The following NRP2 variants were observed in gnomAD, a reference collection of about 807,000 sequenced individuals.
The protein encoded by NRP2 is neuropilin-2.
A neutral mutation model predicts 110.4 loss-of-function variants in NRP2; 52 were observed. The observed-to-expected ratio is 0.47, with a 90% CI of 0.38 to 0.59. The LOEUF is 0.59. Among genes scored for constraint, NRP2 ranks in the 20% least tolerant of loss-of-function variants. The probability of loss-of-function intolerance (pLI) is 0.00; values close to 1 mark genes in which losing one functional copy is unlikely to be tolerated. For missense variants in NRP2, 1,049 were observed against 1,203.0 expected (o/e 0.87, Z 1.89); for synonymous variants, 508 against 468.9 (o/e 1.08, Z -1.08).
At chr2:205,761,979 A>G (rs929889251) in intron 12 of NRP2, 2 of 152,224 alleles carry the variant, frequency 1.3e-5, no homozygotes, top group Non-Finnish European at 2.9e-5. Context: ...TAACAGCAGT[A>G]ATAGTAAGAT....
chr2:205,791,085 T>A (rs116339604), intron 15 of NRP2, among the ~76,000 whole-genome samples: 3 of 152,360 alleles, frequency 2.0e-5, no homozygotes, highest in Admixed American at 6.5e-5. Context: ...CAGTGATGGA[T>A]CAATGCTCAG....
At chr2:205,783,888 G>C (rs1369072130) in intron 15 of NRP2, among the ~76,000 whole-genome samples, 4 of 151,844 alleles carry the variant, frequency 2.6e-5, no homozygotes, top group Admixed American at 2.6e-4. Flanking sequence ...TGCTTTCCCT[G>C]ACCTGCCAAA....
rs991060888 is a variant in NRP2 at position 205,682,654 on chromosome 2, C to T, written c.-637C>T. 5 of 166,782 alleles carry T rather than the reference C, an allele frequency of 3.0e-5. No homozygotes were observed. The highest frequency in any genetic ancestry group is 6.3e-5 in the Non-Finnish European group (5 of 78,936). The allele number at this position is 166,782 out of a possible 1,614,324, so 10.3% of individuals were successfully genotyped here. A position where few individuals can be genotyped will look rare whatever the true frequency, so the allele number is the denominator to read the frequency against. ...GATCCCAGCCGCCACCGCCGCCGCA[C>T]CAGCAGCAGCAACAGCAGCAGCAGC... On this transcript the variant is annotated 5_prime_UTR_variant, in exon 1 of 17. Transcript: ENST00000357785. This position sits in a 1 kb window ranked among gnomAD's most constrained non-coding sequence, Gnocchi z 4.3.
chr2:205,752,939 G>T lies in NRP2; in HGVS notation c.2008G>T (p.Ala670Ser). ...TGCCAAGTGGCTCCGGACCACCTGGGCCAGCAGCTCCAGCCCAAACGACCG... is the reference window on the plus strand; with the variant it reads ...TGCCAAGTGGCTCCGGACCACCTGGTCCAGCAGCTCCAGCCCAAACGACCG... ...DHAKWLRTTW[A>S]SSSSPNDRTF... The change falls in exon 12 of 17, where the codon GCC (alanine) becomes TCC (serine). Residue 670 changes from alanine (A) to serine (S), a missense_variant. Coordinates refer to ENST00000357785, the MANE Select transcript of NRP2 (RefSeq NM_003872.3). 1 of 1,614,024 alleles carries T rather than the reference G, an allele frequency of 6.2e-7. No individual in the cohort carries two copies. The highest frequency in any genetic ancestry group is 8.5e-7 in the Non-Finnish European group (1 of 1,180,032).
rs1328369109 is a variant in NRP2 at position 205,683,298 on chromosome 2, T to A, written c.8T>A (p.Met3Lys). The change falls in exon 1 of 17, where the codon ATG becomes AAG. Residue 3 changes from methionine (M) to lysine (K), a missense_variant. Transcript: ENST00000357785. ...AGAGCCACCTTCTCCAAAATGGATA[T>A]GTTTCCTCTCACCTGGGTTTTCTTA... Reference protein sequence around the residue: MDMFPLTWVFLAL... With the variant: MDKFPLTWVFLAL... 1.2e-6 allele frequency: 2 copies of A among 1,613,464 alleles called. No individual in the cohort carries two copies. The highest frequency in any genetic ancestry group is 1.7e-6 in the Non-Finnish European group (2 of 1,179,472).
chr2:205,731,626 C>G (rs560537066), intron 7 of NRP2, among the ~76,000 whole-genome samples: 1 of 152,336 alleles, frequency 6.6e-6, no homozygotes, highest in South Asian at 2.1e-4. Context: ...ACGTGGGGAT[C>G]TCCCTTGTTG....
At chr2:205,733,191 A>G (rs990282290) in intron 7 of NRP2, among the ~76,000 whole-genome samples, 4 of 152,188 alleles carry the variant, frequency 2.6e-5, no homozygotes, top group Non-Finnish European at 5.9e-5. Context: ...GGAAAATTTC[A>G]TTATACAGAA....
intron 9 of NRP2, 140 bp downstream of exon 9, chr2:205,743,692 G>A: frequency 6.9e-7 from 1 of 1,453,428 alleles, no homozygotes; most frequent in Non-Finnish European, 9.1e-7. Context: ...TATCGTTTGA[G>A]AGATTACTTT....
chr2:205,772,874 G>C (rs1173339866), intron 15 of NRP2, among the ~76,000 whole-genome samples: 1 of 152,188 alleles, frequency 6.6e-6, no homozygotes, highest in Admixed American at 6.5e-5. Context: ...TTCCCATAGA[G>C]GTGCCACATG....
chr2:205,753,102 A>T, intron 12 of NRP2, 127 bp downstream of exon 12: 1 of 1,276,184 alleles, frequency 7.8e-7, no homozygotes, highest in Admixed American at 1.7e-5. Context: ...TTTGCCCACA[A>T]ACCACCACAG....
At chr2:205,739,132 C>T (rs1383340528) in intron 7 of NRP2, among the ~76,000 whole-genome samples, 1 of 152,202 alleles carries the variant, frequency 6.6e-6, no homozygotes, top group Non-Finnish European at 1.5e-5. Context: ...GGAAACACAT[C>T]ACTGGACAGT....
At chr2:205,762,774 T>TC (rs146483108) in intron 12 of NRP2, among the ~76,000 whole-genome samples, 5 of 152,304 alleles carry the variant, frequency 3.3e-5, no homozygotes, top group Non-Finnish European at 7.4e-5. Context: ...AAGGTGCAGG[T>TC]CACACCTGTG....
Position 205,725,138 on chromosome 2 carries a change from T to C in NRP2, c.821-775T>C, listed in dbSNP as rs994821318. Among the ~76,000 whole-genome samples the C allele has an allele frequency of 6.6e-6, 1 of 152,158 alleles. No individual in the cohort carries two copies. Among genetic ancestry groups the C allele is most frequent in the Non-Finnish European group, 1.5e-5 (1 of 68,036 alleles). On this transcript the variant is annotated intron_variant, in intron 5 of 16. Coordinates refer to ENST00000357785, the MANE Select transcript of NRP2 (RefSeq NM_003872.3). This position sits in a 1 kb window ranked among gnomAD's most constrained non-coding sequence, Gnocchi z 4.1. ...TTTTCATCAAAGAGCTTCTGAAGAT[T>C]GAGTGACAAAGAAACAGTATGGCAA... is the stretch of plus-strand genomic sequence containing the variant.
At chr2:205,771,716 G>A (rs531393667) in intron 15 of NRP2, among the ~76,000 whole-genome samples, 1 of 152,292 alleles carries the variant, frequency 6.6e-6, no homozygotes, top group Admixed American at 6.5e-5. Context: ...AAAGGAAGAG[G>A]ACTGTTTCCT....
intron 15 of NRP2, 26 bp downstream of exon 15, chr2:205,766,829 A>ATT: frequency 6.5e-7 from 1 of 1,538,912 alleles, no homozygotes; most frequent in Non-Finnish European, 8.9e-7. Context: ...GTAAAAAAAA[A>ATT]TTTTTTTTTT....
chr2:205,715,427 C>T (rs946542217), intron 2 of NRP2, among the ~76,000 whole-genome samples: 5 of 152,140 alleles, frequency 3.3e-5, no homozygotes, highest in Admixed American at 6.5e-5. Flanking sequence ...TGCACGTAGA[C>T]AGTGGGCCCC....
chr2:205,710,007 G>C (rs1368013868), intron 2 of NRP2, among the ~76,000 whole-genome samples: 2 of 152,168 alleles, frequency 1.3e-5, no homozygotes, highest in African/African-American at 4.8e-5. Flanking sequence ...CACTTTTCCT[G>C]TTGGTGATTT....
In NRP2 at chr2:205,686,812, C is replaced by G. The variant is rs78176793; in HGVS notation, c.73+3449C>G. Reference sequence around the variant, plus strand: ...TTGGCGTGTGCTCCCTGCTCGGCTCCCCTCCCTCCACTTCCTGTTCTTTCG... The same window carrying G: ...TTGGCGTGTGCTCCCTGCTCGGCTCGCCTCCCTCCACTTCCTGTTCTTTCG... On this transcript the variant is annotated intron_variant, in intron 1 of 16. Coordinates refer to ENST00000357785, the MANE Select transcript of NRP2 (RefSeq NM_003872.3). This position sits in a 1 kb window ranked among gnomAD's most constrained non-coding sequence, Gnocchi z 4.7. 9.8e-5 allele frequency among the ~76,000 whole-genome samples: 15 copies of G among 152,324 alleles called. No individual in the cohort carries two copies. The South Asian group carries it at 2.5e-3, about 25-fold the overall frequency.
chr2:205,692,764 T>A (rs2056339798), intron 1 of NRP2, among the ~76,000 whole-genome samples: 1 of 152,296 alleles, frequency 6.6e-6, no homozygotes, highest in South Asian at 2.1e-4. Context: ...CTTGAGTAAA[T>A]GTCTTATTGT....
Sources: gnomAD v4.1 joint callset for allele counts (sites outside exome capture counted in the v4.1 genomes callset) on GRCh38, gnomAD v4.1.1 for gene constraint, Gnocchi (gnomAD v3.1) non-coding constraint, MANE v1.5 for transcripts, NCBI Gene and HGNC (gene_info 2026-07-23, HGNC 2026-07-21) for gene names.